Variants in KIFAP3 observed in about 807,000 individuals in gnomAD.
KIFAP3 encodes the protein kinesin-associated protein 3.
Under a neutral mutation model 106.5 loss-of-function variants are expected in KIFAP3, and 68 were observed. The ratio of observed to expected loss-of-function variants is 0.64; its 90% CI spans 0.53 to 0.78. The LOEUF (loss-of-function observed/expected upper bound fraction) is 0.78. Ranked by LOEUF, KIFAP3 falls within the 30% of genes least tolerant of loss-of-function variation. The probability of loss-of-function intolerance (pLI) is 0.00; values close to 1 mark genes in which losing one functional copy is unlikely to be tolerated. For missense variants in KIFAP3, 780 were observed against 941.8 expected, an observed-to-expected ratio of 0.83 and a Z score of 2.25; for synonymous variants, 320 against 311.5, an observed-to-expected ratio of 1.03 and a Z score of -0.29.
chr1:170,046,210 C>CAAAAAAAAAA (rs60580320), intron 3 of KIFAP3, among the ~76,000 whole-genome samples: 3,198 of 55,564 alleles, frequency 0.058, 302 homozygotes, highest in East Asian at 0.15. Flanking sequence ...TTCTCTGCTG[C>CAAAAAAAAAA]AAAAAAAAAA....
At chr1:169,921,822 C>G (rs752526690) in intron 19 of KIFAP3, 41 bp from the exon 20 acceptor site, 1 of 1,401,372 alleles carries the variant, frequency 7.1e-7, no homozygotes, top group Middle Eastern at 1.8e-4. Flanking sequence ...TGTTTTTCAT[C>G]ACACATCCAC....
At chr1:170,006,121 T>G (rs796301363) in intron 10 of KIFAP3, among the ~76,000 whole-genome samples, 1 of 152,186 alleles carries the variant, frequency 6.6e-6, no homozygotes, top group Non-Finnish European at 1.5e-5. Flanking sequence ...CCCCTAACTT[T>G]CTAAATAAGA....
At chr1:170,080,428 A>G (rs115955722) in intron 1 of KIFAP3, among the ~76,000 whole-genome samples, 2,045 of 152,236 alleles carry the variant, frequency 0.013, 19 homozygotes, top group Middle Eastern at 0.044. Context: ...TTTTATATGA[A>G]AATGCAAAGG....
chr1:169,996,540 T>G (rs566538988), intron 10 of KIFAP3, among the ~76,000 whole-genome samples: 121 of 152,298 alleles, frequency 7.9e-4, no homozygotes, highest in African/African-American at 2.7e-3. Flanking sequence ...GATTCAGAGA[T>G]GAGGCAATGA....
intron 19 of KIFAP3, among the ~76,000 whole-genome samples, chr1:169,941,495 T>C (rs1664111415): frequency 6.6e-6 from 1 of 151,358 alleles, no homozygotes; most frequent in Admixed American, 6.6e-5. Context: ...TATCTCAACA[T>C]TTTGATTTTT....
chr1:169,928,915 C>T (rs935281310), intron 19 of KIFAP3, among the ~76,000 whole-genome samples: 2 of 151,914 alleles, frequency 1.3e-5, no homozygotes, highest in South Asian at 4.2e-4. Flanking sequence ...AAGAAGCTTG[C>T]CCCTATCTTC....
chr1:170,080,612 G>A (rs955567982), intron 1 of KIFAP3, among the ~76,000 whole-genome samples: 1 of 152,032 alleles, frequency 6.6e-6, no homozygotes, highest in Non-Finnish European at 1.5e-5. Flanking sequence ...CTCACTTATG[G>A]TTCAGTTAAC....
intron 19 of KIFAP3, among the ~76,000 whole-genome samples, chr1:169,937,862 A>C (rs1663896338): frequency 2.0e-5 from 3 of 151,910 alleles, no homozygotes; most frequent in Admixed American, 6.6e-5. Context: ...CAAATCAGCA[A>C]TGAAATTGAC....
At chr1:169,961,847 T>C (rs1665355251) in intron 17 of KIFAP3, among the ~76,000 whole-genome samples, 1 of 152,202 alleles carries the variant, frequency 6.6e-6, no homozygotes, top group Non-Finnish European at 1.5e-5. Flanking sequence ...ATATACAAAA[T>C]ATGTGTTAAT....
chr1:170,005,867 A>AT (rs915892678), intron 10 of KIFAP3, among the ~76,000 whole-genome samples: 12 of 148,344 alleles, frequency 8.1e-5, no homozygotes, highest in Admixed American at 4.2e-4. Flanking sequence ...TAATAATAAA[A>AT]TTAAAAAAAA....
rs1666729088 is a variant in KIFAP3 at position 169,984,781 on chromosome 1, A to C, written c.1285-91T>G. ...TATTTTTATCATAATGTGTTATCTT[A>C]GATTGTACATTGGGCATAATATAAT... is the stretch of plus-strand genomic sequence containing the variant. On this transcript the variant is annotated intron_variant, in intron 11 of 19. Coordinates refer to ENST00000361580, the MANE Select transcript of KIFAP3 (RefSeq NM_014970.4). 1.5e-5 allele frequency: 10 copies of C among 656,826 alleles called. No individual in the cohort carries two copies. The South Asian group carries it at 1.9e-4, about 13-fold the overall frequency. 40.7% of individuals were successfully genotyped at this position (656,826 alleles called of 1,614,324 possible). A position where few individuals can be genotyped will look rare whatever the true frequency, so the allele number is the denominator to read the frequency against.
chr1:169,968,537 G>C (rs1384320122), intron 17 of KIFAP3, among the ~76,000 whole-genome samples: 4 of 151,734 alleles, frequency 2.6e-5, no homozygotes, highest in African/African-American at 9.7e-5. Context: ...AGCAAGTCTG[G>C]ATTAATTTAG....
intron 1 of KIFAP3, among the ~76,000 whole-genome samples, chr1:170,084,556 T>C (rs1272622028): frequency 6.6e-6 from 1 of 152,184 alleles, no homozygotes; most frequent in South Asian, 2.1e-4. Context: ...AATCCACTTA[T>C]CTTGGAGGAT....
rs560296553 is a variant in KIFAP3, at chr1:169,961,985, T to C, written c.1984-750A>G. Among the ~76,000 whole-genome samples, 10 of 152,260 alleles carry C rather than the reference T, an allele frequency of 6.6e-5. No homozygotes were observed. The South Asian group carries it at 2.1e-3, about 32-fold the overall frequency. On this transcript the variant is annotated intron_variant, in intron 17 of 19. Transcript: ENST00000361580. Reference sequence around the variant, plus strand: ...GATTGGTCCCCTAATACCTGTGTTGTTCAAGAGTCAACTGCATTTGTGGCA... The same window carrying C: ...GATTGGTCCCCTAATACCTGTGTTGCTCAAGAGTCAACTGCATTTGTGGCA...
At chr1:170,060,215 G>C (rs1187887023) in intron 1 of KIFAP3, among the ~76,000 whole-genome samples, 1 of 152,164 alleles carries the variant, frequency 6.6e-6, no homozygotes, top group African/African-American at 2.4e-5. Flanking sequence ...AAAAGAGGAA[G>C]TCAAATTGTC....
intron 10 of KIFAP3, among the ~76,000 whole-genome samples, chr1:170,013,270 T>C (rs554307545): frequency 2.6e-5 from 4 of 152,178 alleles, no homozygotes; most frequent in Non-Finnish European, 5.9e-5. Context: ...GTGTATGAAA[T>C]GATTAAACAC....
intron 15 of KIFAP3, among the ~76,000 whole-genome samples, chr1:169,980,230 AC>A (rs139227858): frequency 0.014 from 2,116 of 152,278 alleles, 47 homozygotes; most frequent in African/African-American, 0.049. Context: ...AGCTATACTT[AC>A]AATTTATGTA....
At chr1:169,976,880 G>A (rs1666242766) in intron 16 of KIFAP3, among the ~76,000 whole-genome samples, 1 of 151,978 alleles carries the variant, frequency 6.6e-6, no homozygotes, top group Non-Finnish European at 1.5e-5. Context: ...ACCAGGCCCA[G>A]CTCATATTTT....
intron 4 of KIFAP3, 36 bp from the exon 5 acceptor site, chr1:170,038,467 G>A (rs1014402583): frequency 1.9e-6 from 3 of 1,587,678 alleles, no homozygotes; most frequent in Non-Finnish European, 2.6e-6. Context: ...CATCAACAAT[G>A]CTCAACAGAT....
Sources: allele counts gnomAD v4.1 joint callset (sites outside exome capture counted in the v4.1 genomes callset), GRCh38; gene constraint gnomAD v4.1.1; transcripts MANE v1.5; gene names NCBI Gene and HGNC (gene_info 2026-07-23, HGNC 2026-07-21).